The following NOTCH2NLC variants were observed in gnomAD, a reference collection of about 807,000 sequenced individuals.
NOTCH2NLC encodes the protein notch homolog 2 N-terminal-like protein C.
Under a neutral mutation model 17.7 loss-of-function variants are expected in NOTCH2NLC, and 4 were observed. The observed-to-expected ratio is 0.23, with a 90% CI of 0.11 to 0.52. The LOEUF is 0.52. Ranked by LOEUF, NOTCH2NLC falls within the 20% of genes least tolerant of loss-of-function variation. NOTCH2NLC has a pLI of 0.96. For synonymous variants in NOTCH2NLC, 18 were observed against 86.0 expected (o/e 0.21, Z 4.38); for missense variants, 57 against 207.2 (o/e 0.28, Z 4.45).
rs1406486422 is a variant in NOTCH2NLC at position 149,428,432 on chromosome 1, A to G, written c.136-2510A>G. Among the ~76,000 whole-genome samples, 1,094 of 151,148 alleles carry G rather than the reference A, an allele frequency of 7.2e-3. 78 individuals are homozygous for G. The East Asian group carries it at 0.12, about 16-fold the overall frequency. The stretch of plus-strand genomic sequence containing the variant: ...TGAGTTTGATTGGTTCACTAAGGCT[A>G]GGCTGTAAAGTTATTTGCTAGATTG... On this transcript the variant is annotated intron_variant, in intron 1 of 4. Coordinates refer to ENST00000650865, the MANE Select transcript of NOTCH2NLC (RefSeq NM_001364013.2).
chr1:149,445,765 C>A (rs1357340680), intron 2 of NOTCH2NLC, among the ~76,000 whole-genome samples: 1 of 150,056 alleles, frequency 6.7e-6, no homozygotes, highest in East Asian at 2.0e-4. Context: ...CTTCGTTCCA[C>A]ATTCTGTATA....
At chr1:149,424,767 C>T (rs1251356155) in intron 1 of NOTCH2NLC, among the ~76,000 whole-genome samples, 3 of 151,210 alleles carry the variant, frequency 2.0e-5, no homozygotes, top group Admixed American at 6.6e-5. Context: ...CCAACATCTG[C>T]TTCTGGTGAG....
chr1:149,412,116 C>CAAAAAAAAAAA (rs71649388), intron 1 of NOTCH2NLC, among the ~76,000 whole-genome samples: 1 of 49,358 alleles, frequency 2.0e-5, no homozygotes, highest in Non-Finnish European at 4.2e-5. Flanking sequence ...ATCCTGTCTC[C>CAAAAAAAAAAA]AAAAAAAAAA....
intron 1 of NOTCH2NLC, among the ~76,000 whole-genome samples, chr1:149,416,036 T>A (rs1349511439): frequency 1.3e-5 from 2 of 148,914 alleles, no homozygotes; most frequent in South Asian, 2.2e-4. Flanking sequence ...TGATCTTTTT[T>A]AATATGTCAT....
Position 149,407,110 on chromosome 1 carries a change from G to A in NOTCH2NLC, c.135+16188G>A, listed in dbSNP as rs1349711429. Among the ~76,000 whole-genome samples, 4 of 150,896 alleles carry A rather than the reference G, an allele frequency of 2.7e-5. 1 individual carries two copies. Among genetic ancestry groups the A allele is most frequent in the African/African-American group, 7.3e-5 (3 of 41,132 alleles). ...TTGATTCATAGAAAAAATTATTTAG[G>A]ATTTCAGATGAAAGATGAAGAACTC... On this transcript the variant is annotated intron_variant, in intron 1 of 4. Transcript: ENST00000650865.
chr1:149,460,269 A>C (rs1352395576), intron 3 of NOTCH2NLC, among the ~76,000 whole-genome samples: 44 of 144,310 alleles, frequency 3.0e-4, no homozygotes, highest in African/African-American at 1.1e-3. Flanking sequence ...TTAAAATGTC[A>C]CTCTGAAATG....
chr1:149,392,887 C>T lies in NOTCH2NLC; in HGVS notation c.135+1965C>T, dbSNP rs1225572261. Among the ~76,000 whole-genome samples the T allele has an allele frequency of 2.7e-4, 41 of 150,116 alleles. 1 individual carries two copies. Among genetic ancestry groups the T allele is most frequent in the African/African-American group, 9.8e-4 (40 of 40,950 alleles). On this transcript the variant is annotated intron_variant, in intron 1 of 4. Coordinates refer to ENST00000650865, the MANE Select transcript of NOTCH2NLC (RefSeq NM_001364013.2). ...GAGATCGAGACCATCCCGGCTAAAA[C>T]GGTGAAACCCCGTCTCTACTAAAAA...
intron 1 of NOTCH2NLC, among the ~76,000 whole-genome samples, chr1:149,408,227 A>AT (rs1277306688): frequency 1.1e-5 from 1 of 90,316 alleles, no homozygotes; most frequent in African/African-American, 4.1e-5. Flanking sequence ...ATTTCTTAGT[A>AT]TTTTTCCTCA....
intron 1 of NOTCH2NLC, among the ~76,000 whole-genome samples, chr1:149,427,525 G>C (rs1280821693): frequency 1.3e-5 from 1 of 76,710 alleles, no homozygotes; most frequent in South Asian, 5.3e-4. Flanking sequence ...TTGAGATGGA[G>C]TCTCTCTCTG....
chr1:149,433,477 A>G (rs1163266724), intron 2 of NOTCH2NLC, among the ~76,000 whole-genome samples: 1 of 150,736 alleles, frequency 6.6e-6, no homozygotes, highest in Non-Finnish European at 1.5e-5. Flanking sequence ...TTCACATAGC[A>G]TTCAGGGTGG....
At chr1:149,426,257 C>T (rs2084411790) in intron 1 of NOTCH2NLC, among the ~76,000 whole-genome samples, 1 of 81,866 alleles carries the variant, frequency 1.2e-5, no homozygotes, top group Non-Finnish European at 2.5e-5. Flanking sequence ...TTATACATTA[C>T]TGGGTTTTGT....
At chr1:149,412,218 A>C (rs1237986593) in intron 1 of NOTCH2NLC, among the ~76,000 whole-genome samples, 1 of 150,522 alleles carries the variant, frequency 6.6e-6, no homozygotes, top group Non-Finnish European at 1.5e-5. Context: ...TTGTTTTTTA[A>C]ACTGCAGATC....
In NOTCH2NLC at chr1:149,414,208, T is replaced by C. The variant is rs2084316657; in HGVS notation, c.136-16734T>C. 2.0e-5 allele frequency among the ~76,000 whole-genome samples: 3 copies of C among 148,212 alleles called. No homozygotes were observed. The South Asian group carries it at 6.5e-4, about 32-fold the overall frequency. ...GGAAGGAGCTGGAAAGGCCTGGAAG[T>C]GCGAAGTGATTGGCCCTTGGTCAGA... is the stretch of plus-strand genomic sequence containing the variant. On this transcript the variant is annotated intron_variant, in intron 1 of 4. Transcript: ENST00000650865.
chr1:149,399,949 T>C (rs1354765204), intron 1 of NOTCH2NLC, among the ~76,000 whole-genome samples: 5 of 150,038 alleles, frequency 3.3e-5, no homozygotes, highest in Non-Finnish European at 5.9e-5. Flanking sequence ...CAAGATTTTT[T>C]TATTTTTGTA....
At chr1:149,419,871 TTTTTTTTTTTC>T (rs1411670905) in intron 1 of NOTCH2NLC, among the ~76,000 whole-genome samples, 8 of 126,786 alleles carry the variant, frequency 6.3e-5, no homozygotes, top group Admixed American at 1.6e-4. Context: ...TTTTTTTTTT[TTTTTTTTTTTC>T]CTCAGGCAGA....
At position 149,436,021 on chromosome 1, in the gene NOTCH2NLC, TG is replaced by T. The variant is rs1410186245; in HGVS notation, c.209+5007del. Among the ~76,000 whole-genome samples, 861 of 140,438 alleles carry T rather than the reference TG, an allele frequency of 6.1e-3. 20 individuals are homozygous for T. Among genetic ancestry groups the T allele is most frequent in the African/African-American group, 0.021 (819 of 38,516 alleles). The allele number at this position is 140,438 out of a possible 152,430, so 92.1% of individuals were successfully genotyped here. A position where few individuals can be genotyped will look rare whatever the true frequency, so the allele number is the denominator to read the frequency against. ...TGATTCTCCAGTGCCTTTGATATTT[TG>T]TCCAGAGCAAGAGGGCTAGTCTGAT... On this transcript the variant is annotated intron_variant, in intron 2 of 4. Coordinates refer to ENST00000650865, the MANE Select transcript of NOTCH2NLC (RefSeq NM_001364013.2).
chr1:149,445,809 T>A (rs1298409145), intron 2 of NOTCH2NLC, among the ~76,000 whole-genome samples: 5 of 149,374 alleles, frequency 3.3e-5, no homozygotes, highest in Non-Finnish European at 7.5e-5. Context: ...GAAATAGCTG[T>A]TTTGTAAAGC....
At chr1:149,413,441 A>T (rs2084310916) in intron 1 of NOTCH2NLC, among the ~76,000 whole-genome samples, 1 of 151,226 alleles carries the variant, frequency 6.6e-6, no homozygotes, top group African/African-American at 2.4e-5. Context: ...GCAGATAAAG[A>T]TGTGACATTT....
At chr1:149,416,696 A>G (rs2084337183) in intron 1 of NOTCH2NLC, among the ~76,000 whole-genome samples, 1 of 149,080 alleles carries the variant, frequency 6.7e-6, no homozygotes, top group Admixed American at 6.7e-5. Context: ...AATTTTACAA[A>G]GAAAAAATTC....
Sources: gnomAD v4.1 joint callset for allele counts (sites outside exome capture counted in the v4.1 genomes callset) on GRCh38, gnomAD v4.1.1 for gene constraint, MANE v1.5 for transcripts, NCBI Gene and HGNC (gene_info 2026-07-23, HGNC 2026-07-21) for gene names.